Variants in L3MBTL4 observed in about 807,000 individuals in gnomAD.
The protein encoded by L3MBTL4 is L3MBTL histone methyl-lysine binding protein 4, also known as lethal(3)malignant brain tumor-like protein 4.
L3MBTL4 carries 70 observed loss-of-function variants against 84.5 expected under a neutral mutation model. That is an observed-to-expected ratio of 0.83 (90% CI 0.68 to 1.01). The LOEUF (loss-of-function observed/expected upper bound fraction) is 1.01, where lower values mean the gene tolerates loss of function less well. L3MBTL4 is among the 50% of genes least tolerant of loss of function. The pLI, the probability that L3MBTL4 is intolerant of heterozygous loss-of-function variation, is 0.00. For missense variants in L3MBTL4, 715 were observed against 754.8 expected (o/e 0.95, Z 0.62); for synonymous variants, 274 against 259.8 (o/e 1.05, Z -0.52).
intron 17 of L3MBTL4, among the ~76,000 whole-genome samples, chr18:5,967,118 C>T (rs982856590): frequency 2.0e-5 from 3 of 152,358 alleles, no homozygotes; most frequent in Admixed American, 6.5e-5. Context: ...GAACCCAGAA[C>T]GGCTCTGTCC....
chr18:6,143,150 T>C (rs926668913), intron 13 of L3MBTL4, among the ~76,000 whole-genome samples: 5 of 152,192 alleles, frequency 3.3e-5, no homozygotes, highest in Non-Finnish European at 2.9e-5. Context: ...TTTCAATGAA[T>C]GCTACTTAAT....
intron 14 of L3MBTL4, among the ~76,000 whole-genome samples, chr18:6,125,248 A>G (rs987084835): frequency 8.5e-5 from 13 of 152,210 alleles, no homozygotes; most frequent in Admixed American, 7.9e-4. Context: ...CACTAGTAGC[A>G]AGAACACAAC....
chr18:6,088,292 T>A (rs2058328016), intron 15 of L3MBTL4, among the ~76,000 whole-genome samples: 1 of 152,216 alleles, frequency 6.6e-6, no homozygotes, highest in African/African-American at 2.4e-5. Context: ...CCACCATCCT[T>A]GGCACCTAGT....
At chr18:6,003,119 TAAAATATAGTATCTCTA>T (rs1399505991) in intron 16 of L3MBTL4, among the ~76,000 whole-genome samples, 4 of 100,972 alleles carry the variant, frequency 4.0e-5, no homozygotes, top group African/African-American at 1.6e-4. Flanking sequence ...AGATACTATA[TAAAATATAGTATCTCTA>T]TTTATAGAGA....
intron 4 of L3MBTL4, among the ~76,000 whole-genome samples, chr18:6,277,098 C>A (rs114076003): frequency 7.6e-6 from 1 of 132,022 alleles, no homozygotes; most frequent in Non-Finnish European, 1.5e-5. Flanking sequence ...TAAAAATATT[C>A]TCATAAGGAA....
At chr18:6,030,253 G>A in intron 16 of L3MBTL4, 1 of 960,110 alleles carries the variant, frequency 1.0e-6, no homozygotes, top group Non-Finnish European at 1.2e-6. Flanking sequence ...TTCAGGGAGA[G>A]ATACCCCCTT....
At chr18:6,114,108 A>C (rs1383151767) in intron 14 of L3MBTL4, among the ~76,000 whole-genome samples, 1 of 152,228 alleles carries the variant, frequency 6.6e-6, no homozygotes, top group Non-Finnish European at 1.5e-5. Context: ...ATCTACATAA[A>C]ATAAGATTAA....
intron 13 of L3MBTL4, among the ~76,000 whole-genome samples, chr18:6,138,771 C>T (rs1336242409): frequency 2.0e-5 from 3 of 152,114 alleles, no homozygotes; most frequent in Admixed American, 6.5e-5. Context: ...AGGCTGGTCT[C>T]GAACTCCTGA....
At chr18:6,119,003 T>C (rs1413212273) in intron 14 of L3MBTL4, among the ~76,000 whole-genome samples, 2 of 144,874 alleles carry the variant, frequency 1.4e-5, no homozygotes, top group Non-Finnish European at 3.0e-5. Flanking sequence ...CTTTTTTTTT[T>C]TTTTTTTTTT....
chr18:6,154,522 T>C (rs995313894), intron 13 of L3MBTL4, among the ~76,000 whole-genome samples: 1 of 152,208 alleles, frequency 6.6e-6, no homozygotes, highest in Non-Finnish European at 1.5e-5. Context: ...ACTACTACTC[T>C]TCTCCTCAGT....
Position 6,051,051 on chromosome 18 carries a change from G to A in L3MBTL4, c.1444+29830C>T, listed in dbSNP as rs147586263. ...ATGCATGGACACCTTCTCAGCCTGA[G>A]GGAGGCACATCCCGCAGAACTCCTT... On this transcript the variant is annotated intron_variant, in intron 16 of 18. Transcript: ENST00000317931. 2.6e-4 allele frequency among the ~76,000 whole-genome samples: 39 copies of A among 152,246 alleles called. 1 individual carries two copies. In the South Asian group the frequency reaches 3.7e-3, roughly 15 times the overall value.
intron 1 of L3MBTL4, among the ~76,000 whole-genome samples, chr18:6,388,660 T>C (rs962810721): frequency 5.3e-5 from 8 of 152,292 alleles, no homozygotes; most frequent in African/African-American, 1.9e-4. Flanking sequence ...GGCTAAGCAA[T>C]ATTGTATATA....
chr18:6,071,758 AAAAAAAGAAAGAAAGAAAGAAAGAAAG>A (rs1568066551), intron 16 of L3MBTL4, among the ~76,000 whole-genome samples: 53 of 140,288 alleles, frequency 3.8e-4, no homozygotes, highest in East Asian at 3.7e-3. Context: ...AGAAAGAAAG[AAAAAAAGAAAGAAAGAAAGAAAGAAAG>A]AAAGAAAGAA....
At chr18:5,994,637 C>T (rs534766212) in intron 16 of L3MBTL4, among the ~76,000 whole-genome samples, 1 of 152,264 alleles carries the variant, frequency 6.6e-6, no homozygotes, top group South Asian at 2.1e-4. Context: ...TCCCATGCCA[C>T]TGTACTGCTC....
intron 14 of L3MBTL4, among the ~76,000 whole-genome samples, chr18:6,124,437 T>C (rs891378537): frequency 1.8e-4 from 27 of 147,918 alleles, no homozygotes; most frequent in Non-Finnish European, 3.3e-4. Flanking sequence ...TATATTATTA[T>C]ATATATGTAT....
At chr18:6,313,245 A>G (rs2050923271) in intron 1 of L3MBTL4, among the ~76,000 whole-genome samples, 1 of 152,180 alleles carries the variant, frequency 6.6e-6, no homozygotes, top group Non-Finnish European at 1.5e-5. Context: ...GACTCCAACT[A>G]CATAAACATG....
chr18:5,958,085 GA>G (rs1567911303), intron 18 of L3MBTL4, among the ~76,000 whole-genome samples: 2 of 63,680 alleles, frequency 3.1e-5, no homozygotes, highest in Non-Finnish European at 4.9e-5. Flanking sequence ...AGAAGAAGAA[GA>G]AGAAGAAGAA....
At chr18:6,355,963 C>A (rs2053427833) in intron 1 of L3MBTL4, among the ~76,000 whole-genome samples, 1 of 152,180 alleles carries the variant, frequency 6.6e-6, no homozygotes, top group South Asian at 2.1e-4. Flanking sequence ...TTCTATGACA[C>A]CACAATCAAC....
intron 16 of L3MBTL4, among the ~76,000 whole-genome samples, chr18:6,056,649 G>A (rs1250196681): frequency 1.3e-5 from 2 of 152,140 alleles, no homozygotes; most frequent in East Asian, 3.9e-4. Flanking sequence ...GTTTGTGGCT[G>A]GGCTTAAAGT....
Sources: gnomAD v4.1 joint callset for allele counts (sites outside exome capture counted in the v4.1 genomes callset) on GRCh38, gnomAD v4.1.1 for gene constraint, MANE v1.5 for transcripts, NCBI Gene and HGNC (gene_info 2026-07-23, HGNC 2026-07-21) for gene names.